LAMA2: variants seen among roughly 807,000 people sequenced by gnomAD.
The protein encoded by LAMA2 is laminin subunit alpha-2.
LAMA2 carries 269 observed loss-of-function variants against 364.8 expected under a neutral mutation model. The observed-to-expected ratio is 0.74, with a 90% confidence interval of 0.67 to 0.82. The LOEUF (loss-of-function observed/expected upper bound fraction) is 0.82. LAMA2 is among the 40% of genes least tolerant of loss of function. LAMA2 has a pLI of 0.00. For synonymous variants in LAMA2, 1,379 were observed against 1,370.6 expected (o/e 1.01, Z -0.14); for missense variants, 3,807 against 3,873.2 (o/e 0.98, Z 0.45).
At chr6:129,158,088 A>T in intron 8 of LAMA2, 1 of 1,612,228 alleles carries the variant, frequency 6.2e-7, no homozygotes, top group South Asian at 1.1e-5. Flanking sequence ...TTCTGTGTGC[A>T]GGTGGCACAG....
intron 54 of LAMA2, chr6:129,479,697 C>T (rs909269153): frequency 6.6e-6 from 1 of 151,978 alleles, no homozygotes; most frequent in Non-Finnish European, 1.5e-5. Flanking sequence ...TATCTTAAAC[C>T]ACTCCAATAG....
At chr6:129,508,232 ATTTTT>A (rs1786264983) in intron 62 of LAMA2, among the ~76,000 whole-genome samples, 1 of 89,244 alleles carries the variant, frequency 1.1e-5, no homozygotes, top group South Asian at 4.1e-4. Flanking sequence ...TAATCCTTTA[ATTTTT>A]AATTTTTGTG....
At chr6:129,488,981 AAAATCAT>A (rs1444594259) in intron 56 of LAMA2, among the ~76,000 whole-genome samples, 1 of 152,244 alleles carries the variant, frequency 6.6e-6, no homozygotes, top group Non-Finnish European at 1.5e-5. Context: ...TAACCTGCCC[AAAATCAT>A]GTACTACAAA....
intron 34 of LAMA2, among the ~76,000 whole-genome samples, chr6:129,373,241 A>G (rs751997279): frequency 6.6e-6 from 1 of 152,150 alleles, no homozygotes; most frequent in Non-Finnish European, 1.5e-5. Flanking sequence ...CTCCTATGCT[A>G]TCTTCTAGGA....
chr6:129,016,843 C>G (rs1031449116), intron 1 of LAMA2, among the ~76,000 whole-genome samples: 1 of 151,332 alleles, frequency 6.6e-6, no homozygotes, highest in Non-Finnish European at 1.5e-5. Flanking sequence ...TTCAAAGGTA[C>G]ATTTGTTCAT....
intron 4 of LAMA2, among the ~76,000 whole-genome samples, chr6:129,112,131 T>C (rs1190655310): frequency 6.6e-6 from 1 of 152,026 alleles, no homozygotes; most frequent in Non-Finnish European, 1.5e-5. Context: ...AGCACTTATC[T>C]ACTACTCTCT....
At chr6:129,386,627 T>C (rs999944560) in intron 35 of LAMA2, among the ~76,000 whole-genome samples, 16 of 152,158 alleles carry the variant, frequency 1.1e-4, no homozygotes, top group African/African-American at 3.9e-4. Context: ...TGAAATAATC[T>C]GGAAAATAAC....
At chr6:128,934,905 T>A (rs1350079178) in intron 1 of LAMA2, among the ~76,000 whole-genome samples, 1 of 152,218 alleles carries the variant, frequency 6.6e-6, no homozygotes, top group Non-Finnish European at 1.5e-5. Flanking sequence ...TTTAACAATA[T>A]TAGTTCTTCC....
chr6:129,302,257 T>C (rs1462862411), intron 22 of LAMA2, among the ~76,000 whole-genome samples: 10 of 152,186 alleles, frequency 6.6e-5, no homozygotes. Flanking sequence ...TTTGCATTTA[T>C]TTAATGCCCA....
intron 3 of LAMA2, among the ~76,000 whole-genome samples, chr6:129,072,262 C>T (rs963628483): frequency 5.9e-5 from 9 of 152,114 alleles, no homozygotes; most frequent in African/African-American, 2.2e-4. Context: ...TAGAGACATA[C>T]AAATTTAGGA....
intron 1 of LAMA2, among the ~76,000 whole-genome samples, chr6:129,040,179 C>T (rs1786989404): frequency 6.6e-6 from 1 of 152,136 alleles, no homozygotes; most frequent in South Asian, 2.1e-4. Flanking sequence ...TGCTGGTTGA[C>T]ATTTATCTAC....
intron 3 of LAMA2, among the ~76,000 whole-genome samples, chr6:129,072,251 T>C (rs1773366303): frequency 6.6e-6 from 1 of 152,210 alleles, no homozygotes; most frequent in South Asian, 2.1e-4. Flanking sequence ...TACTTTTAAA[T>C]TAGAGACATA....
intron 15 of LAMA2, among the ~76,000 whole-genome samples, chr6:129,261,700 T>C (rs897055089): frequency 6.6e-6 from 1 of 152,132 alleles, no homozygotes; most frequent in Non-Finnish European, 1.5e-5. Context: ...GGCATTGCTT[T>C]GTCAGTTCTC....
Position 129,297,697 on chromosome 6 carries a change from G to C in LAMA2, c.2869G>C (p.Gly957Arg), listed in dbSNP as rs1163087433. The change falls in exon 21 of 65, where the codon GGC becomes CGC. Residue 957 changes from glycine (G) to arginine (R), a missense_variant. Physicochemically the swap from Gly to Arg is moderately radical, Grantham distance 125. Coordinates refer to ENST00000421865, the MANE Select transcript of LAMA2 (RefSeq NM_000426.4). ...RCDKCKAGTF[G>R]LQSARGCVPC... ...CTTCCATTGCCAGGCTGGGACCTTTGGCCTACAATCAGCAAGGGGCTGTGT... is the reference window on the plus strand; with the variant it reads ...CTTCCATTGCCAGGCTGGGACCTTTCGCCTACAATCAGCAAGGGGCTGTGT... 4 of 1,613,682 alleles carry C rather than the reference G, an allele frequency of 2.5e-6. No individual in the cohort carries two copies. The Admixed American group carries it at 6.7e-5, about 27-fold the overall frequency.
chr6:129,158,828 GA>G (rs1779285072), intron 8 of LAMA2: 1 of 1,614,094 alleles, frequency 6.2e-7, no homozygotes, highest in Non-Finnish European at 8.5e-7. Context: ...CATACACCCT[GA>G]AGCTAATGTG....
intron 34 of LAMA2, among the ~76,000 whole-genome samples, chr6:129,372,598 G>T (rs1778149986): frequency 6.6e-6 from 1 of 152,204 alleles, no homozygotes; most frequent in Non-Finnish European, 1.5e-5. Context: ...GAATCAAGTT[G>T]CTGTAAACAT....
At chr6:128,893,025 A>C (rs545425723) in intron 1 of LAMA2, among the ~76,000 whole-genome samples, 1 of 152,108 alleles carries the variant, frequency 6.6e-6, no homozygotes, top group South Asian at 2.1e-4. Context: ...TGCCTAACAC[A>C]TAATGTGCAA....
At chr6:128,960,830 G>A (rs1781441521) in intron 1 of LAMA2, among the ~76,000 whole-genome samples, 1 of 151,844 alleles carries the variant, frequency 6.6e-6, no homozygotes, top group Admixed American at 6.6e-5. Context: ...TTTTGTGCAT[G>A]CCATATGTTT....
At chr6:129,348,516 A>G (rs906143808) in intron 30 of LAMA2, among the ~76,000 whole-genome samples, 16 of 152,012 alleles carry the variant, frequency 1.1e-4, no homozygotes, top group African/African-American at 3.6e-4. Flanking sequence ...CCAAAACTAC[A>G]TGCTAATATA....
Sources: allele counts gnomAD v4.1 joint callset (sites outside exome capture counted in the v4.1 genomes callset), GRCh38; gene constraint gnomAD v4.1.1; transcripts MANE v1.5; gene names NCBI Gene and HGNC (gene_info 2026-07-23, HGNC 2026-07-21).